The following WHR1 variants were observed in gnomAD, a reference collection of about 807,000 sequenced individuals.
The protein encoded by WHR1 is winged helix repair factor 1, also known as MHC class III HLA-RP1.
the WHR1 span, among the ~76,000 whole-genome samples, chr6:31,975,641 ATTTTTT>A: frequency 3.2e-5 from 4 of 124,880 alleles, no homozygotes; most frequent in African/African-American, 1.2e-4. Flanking sequence ...TAATTCCACT[ATTTTTT>A]TTTTTTTTTG....
the WHR1 span, chr6:31,981,246 A>G: frequency 1.5e-5 from 2 of 131,598 alleles, no homozygotes; most frequent in South Asian, 9.8e-5. Flanking sequence ...GGTTTGAGCA[A>G]TGCTTCTCTG....
the WHR1 span, chr6:31,971,917 G>T: frequency 6.5e-7 from 1 of 1,533,046 alleles, no homozygotes. The surrounding 1 kb of genome is among the most constrained non-coding windows in gnomAD (Gnocchi z 4.5). Flanking sequence ...CTCAGATCAA[G>T]AATCCAGTTA....
the WHR1 span, among the ~76,000 whole-genome samples, chr6:31,976,214 C>T: frequency 6.7e-6 from 1 of 149,758 alleles, no homozygotes; most frequent in Non-Finnish European, 1.5e-5. Context: ...GGTGGCTGGG[C>T]AGGGGCGCCC....
chr6:31,975,348 C>T, the WHR1 span, among the ~76,000 whole-genome samples: 2 of 152,016 alleles, frequency 1.3e-5, no homozygotes, highest in African/African-American at 4.8e-5. Flanking sequence ...ACTACAGGCA[C>T]GCGCCACCAT....
chr6:31,971,645 C>T, the WHR1 span: 1 of 1,609,766 alleles, frequency 6.2e-7, no homozygotes, highest in South Asian at 1.1e-5. The surrounding 1 kb of genome is among the most constrained non-coding windows in gnomAD (Gnocchi z 4.5). Flanking sequence ...TCTGTCTTCT[C>T]AGCTCCTCTC....
the WHR1 span, chr6:31,972,627 C>T: frequency 5.6e-6 from 9 of 1,607,864 alleles, no homozygotes; most frequent in Non-Finnish European, 7.7e-6. The surrounding 1 kb of genome is among the most constrained non-coding windows in gnomAD (Gnocchi z 6.3). Context: ...CCAGGGTCGG[C>T]GCGCGCGGCT....
At chr6:31,980,843 C>T in the WHR1 span, 15 of 1,448,620 alleles carry the variant, frequency 1.0e-5, no homozygotes, top group Non-Finnish European at 1.4e-5. Context: ...GGAGCAATGA[C>T]CCAAAGTGGG....
chr6:31,980,566 C>A, the WHR1 span: 1 of 1,609,306 alleles, frequency 6.2e-7, no homozygotes, highest in Non-Finnish European at 8.5e-7. Context: ...ATCTGCAGCT[C>A]AAGCCTGCAG....
the WHR1 span, chr6:31,971,410 G>C: frequency 6.2e-7 from 1 of 1,605,120 alleles, no homozygotes; most frequent in Non-Finnish European, 8.5e-7. The surrounding 1 kb of genome is among the most constrained non-coding windows in gnomAD (Gnocchi z 4.5). Context: ...GTATCGATCC[G>C]GGTATCCGTC....
chr6:31,974,697 G>T, the WHR1 span, among the ~76,000 whole-genome samples: 2 of 152,224 alleles, frequency 1.3e-5, no homozygotes, highest in African/African-American at 4.8e-5. Context: ...ATTTGAGGCT[G>T]CAGTGAGCTA....
the WHR1 span, chr6:31,980,295 C>T: frequency 7.8e-6 from 5 of 642,294 alleles, no homozygotes; most frequent in South Asian, 4.6e-5. Context: ...GCAGTTGGTG[C>T]GAGCACAGAA....
chr6:31,971,186 G>C, the WHR1 span: 6 of 1,597,584 alleles, frequency 3.8e-6, no homozygotes, highest in East Asian at 4.5e-5. The surrounding 1 kb of genome is among the most constrained non-coding windows in gnomAD (Gnocchi z 4.5). Context: ...TCTGACACAA[G>C]CATTAGTGAG....
chr6:31,972,581 C>A, the WHR1 span: 1 of 1,593,894 alleles, frequency 6.3e-7, no homozygotes, highest in Non-Finnish European at 8.6e-7. The surrounding 1 kb of genome is among the most constrained non-coding windows in gnomAD (Gnocchi z 6.3). Context: ...ACCGCGTCCC[C>A]GCCCCAGTTC....
At chr6:31,978,835 G>A in the WHR1 span, 5 of 1,440,464 alleles carry the variant, frequency 3.5e-6, no homozygotes, top group Non-Finnish European at 2.9e-6. Flanking sequence ...CTGCCTGAGA[G>A]CGCCCAGAGT....
the WHR1 span, chr6:31,972,104 C>T: frequency 4.5e-5 from 72 of 1,613,048 alleles, no homozygotes; most frequent in Non-Finnish European, 2.6e-5. This position sits in a 1 kb window ranked among gnomAD's most constrained non-coding sequence, Gnocchi z 6.3. Flanking sequence ...AGGTTGACAC[C>T]AACGTGGCCA....
the WHR1 span, among the ~76,000 whole-genome samples, chr6:31,977,131 C>G: frequency 6.6e-6 from 1 of 151,814 alleles, no homozygotes; most frequent in East Asian, 1.9e-4. Context: ...TGAAAATGTT[C>G]TGGGCAGATT....
the WHR1 span, chr6:31,979,059 A>G: frequency 6.4e-7 from 1 of 1,558,818 alleles, no homozygotes; most frequent in Non-Finnish European, 8.8e-7. Flanking sequence ...GAGACAGGGA[A>G]CTTGGGAAAC....
At chr6:31,972,691 G>A in the WHR1 span, 1 of 1,613,708 alleles carries the variant, frequency 6.2e-7, no homozygotes, top group Non-Finnish European at 8.5e-7. This position sits in a 1 kb window ranked among gnomAD's most constrained non-coding sequence, Gnocchi z 6.3. Context: ...ACGCGCTGCC[G>A]CCCATCGTGC....
the WHR1 span, chr6:31,980,840 T>C: frequency 6.9e-7 from 1 of 1,454,256 alleles, no homozygotes; most frequent in Non-Finnish European, 9.2e-7. Context: ...TATGGAGCAA[T>C]GACCCAAAGT....
Sources: gnomAD v4.1 joint callset for allele counts (sites outside exome capture counted in the v4.1 genomes callset) on GRCh38, gnomAD v4.1.1 for gene constraint, Gnocchi (gnomAD v3.1) non-coding constraint, MANE v1.5 for transcripts, NCBI Gene and HGNC (gene_info 2026-07-23, HGNC 2026-07-21) for gene names.